DYNC2LI1: variants seen among roughly 807,000 people sequenced by gnomAD.
DYNC2LI1 encodes the protein cytoplasmic dynein 2 light intermediate chain 1.
In DYNC2LI1, 45 loss-of-function variants were observed where a neutral mutation model predicts 51.9. The observed-to-expected ratio is 0.87, with a 90% CI of 0.68 to 1.11. DYNC2LI1 has a LOEUF of 1.11. DYNC2LI1 is among the 50% of genes most tolerant of loss of function. The pLI, the probability that DYNC2LI1 is intolerant of heterozygous loss-of-function variation, is 0.00. For synonymous variants in DYNC2LI1, 130 were observed against 137.8 expected (o/e 0.94, Z 0.40); for missense variants, 490 against 417.4 (o/e 1.17, Z -1.51).
chr2:43,825,941 A>C, the DYNC2LI1 span, among the ~76,000 whole-genome samples: 1 of 151,352 alleles, frequency 6.6e-6, no homozygotes, highest in Non-Finnish European at 1.5e-5. Flanking sequence ...TTCCCCTCTC[A>C]GGAGCTGTTG....
chr2:43,824,230 AC>A, the DYNC2LI1 span: 2 of 1,614,210 alleles, frequency 1.2e-6, no homozygotes, highest in Non-Finnish European at 1.7e-6. Context: ...TCAGGAGAAC[AC>A]CCAGTTTAGA....
At chr2:43,792,596 A>G in intron 5 of DYNC2LI1, 1 of 1,394,520 alleles carries the variant, frequency 7.2e-7, no homozygotes, top group Non-Finnish European at 9.5e-7. Flanking sequence ...TCATCACCAT[A>G]CATCTCCAGA....
At chr2:43,789,446 C>T (rs1001829017) in intron 4 of DYNC2LI1, among the ~76,000 whole-genome samples, 187 bp from the exon 5 acceptor site, 1 of 151,978 alleles carries the variant, frequency 6.6e-6, no homozygotes, top group Non-Finnish European at 1.5e-5. Flanking sequence ...CTGAATAGTT[C>T]ATCATTTTTC....
At chr2:43,826,480 T>C in the DYNC2LI1 span, 1 of 1,614,212 alleles carries the variant, frequency 6.2e-7, no homozygotes, top group Admixed American at 1.7e-5. Flanking sequence ...TTAGCAGTCA[T>C]GCAGTCCAGG....
At chr2:43,798,117 A>G (rs1177943973) in intron 8 of DYNC2LI1, among the ~76,000 whole-genome samples, 1 of 152,066 alleles carries the variant, frequency 6.6e-6, no homozygotes, top group East Asian at 1.9e-4. Context: ...TGTCTCAAAA[A>G]AAAAAAAATT....
the DYNC2LI1 span, chr2:43,820,121 T>C: frequency 1.3e-5 from 21 of 1,609,450 alleles, no homozygotes; most frequent in Non-Finnish European, 1.8e-5. Flanking sequence ...ATAAGCTCTT[T>C]AGTTTCCTCT....
chr2:43,820,185 T>C, the DYNC2LI1 span: 75 of 1,489,790 alleles, frequency 5.0e-5, no homozygotes, highest in African/African-American at 9.2e-4. Context: ...AATAAATCCT[T>C]TGTGGTGAGT....
At chr2:43,803,033 G>A (rs1666126307) in intron 10 of DYNC2LI1, among the ~76,000 whole-genome samples, 1 of 152,166 alleles carries the variant, frequency 6.6e-6, no homozygotes. Context: ...TACTGGCAAG[G>A]ATGCAGAGAA....
the DYNC2LI1 span, chr2:43,826,636 C>A: frequency 4.0e-6 from 6 of 1,489,328 alleles, no homozygotes; most frequent in African/African-American, 4.1e-5. Flanking sequence ...AAACAGTGTG[C>A]GGTGGGAAGT....
chr2:43,777,386 G>C (rs904445890), intron 2 of DYNC2LI1, among the ~76,000 whole-genome samples: 3 of 152,172 alleles, frequency 2.0e-5, no homozygotes, highest in African/African-American at 7.2e-5. Flanking sequence ...CTCCCCACTT[G>C]TTGTAAGTCT....
chr2:43,805,322 AT>A, intron 12 of DYNC2LI1, 76 bp downstream of exon 12: 1 of 844,852 alleles, frequency 1.2e-6, no homozygotes, highest in Non-Finnish European at 1.9e-6. Flanking sequence ...AATTCCTTAC[AT>A]TTTTCTCTAT....
intron 1 of DYNC2LI1, 126 bp downstream of exon 1, chr2:43,774,272 C>T: frequency 2.3e-6 from 3 of 1,284,042 alleles, no homozygotes; most frequent in Admixed American, 2.0e-5. Flanking sequence ...TATGCAGGGT[C>T]GGGGACCTAG....
chr2:43,809,359 A>G (rs1483707161), intron 12 of DYNC2LI1, among the ~76,000 whole-genome samples: 1 of 152,184 alleles, frequency 6.6e-6, no homozygotes, highest in African/African-American at 2.4e-5. Context: ...AACAGCAAAC[A>G]ATTAAAATAA....
chr2:43,806,757 G>T (rs3792012), intron 12 of DYNC2LI1, among the ~76,000 whole-genome samples: 3 of 151,924 alleles, frequency 2.0e-5, no homozygotes, highest in African/African-American at 4.8e-5. Context: ...ATTCAAATCT[G>T]TCTTCTCTAA....
chr2:43,827,911 G>C, the DYNC2LI1 span: 4 of 1,601,032 alleles, frequency 2.5e-6, no homozygotes, highest in Non-Finnish European at 3.4e-6. Flanking sequence ...CGTGAAGAAA[G>C]GGCCCAAAGT....
At chr2:43,785,531 C>T (rs1209801748) in intron 3 of DYNC2LI1, among the ~76,000 whole-genome samples, 11 of 151,790 alleles carry the variant, frequency 7.2e-5, no homozygotes, top group East Asian at 1.9e-4. Context: ...GTCAGGAGTT[C>T]GAGATCAGCC....
chr2:43,793,986 T>C (rs1673915244), intron 5 of DYNC2LI1: 1 of 154,514 alleles, frequency 6.5e-6, no homozygotes, highest in African/African-American at 2.4e-5. Context: ...AAAATGGACA[T>C]TATAACATCT....
chr2:43,810,552 G>T, downstream of DYNC2LI1: 1 of 977,382 alleles, frequency 1.0e-6, no homozygotes. Flanking sequence ...GATTAAAAAT[G>T]ATTTATTCTA....
At chr2:43,798,414 G>T (rs1000256589) in intron 8 of DYNC2LI1, among the ~76,000 whole-genome samples, 1 of 151,942 alleles carries the variant, frequency 6.6e-6, no homozygotes, top group Non-Finnish European at 1.5e-5. Flanking sequence ...ATTTTGAGAG[G>T]ATATGGGGAA....
Sources: allele counts gnomAD v4.1 joint callset (sites outside exome capture counted in the v4.1 genomes callset), GRCh38; gene constraint gnomAD v4.1.1; transcripts MANE v1.5; gene names NCBI Gene and HGNC (gene_info 2026-07-23, HGNC 2026-07-21).